CNTLN: variants seen among roughly 807,000 people sequenced by gnomAD.
CNTLN encodes the protein centlein, also known as centlein, centrosomal protein.
A neutral mutation model predicts 180.0 loss-of-function variants in CNTLN; 212 were observed. That is an observed-to-expected ratio of 1.18 (90% CI 1.05 to 1.32). The LOEUF (loss-of-function observed/expected upper bound fraction) is 1.32, where lower values mean the gene tolerates loss of function less well. Ranked by LOEUF, CNTLN falls within the 40% of genes most tolerant of loss-of-function variation. The probability of loss-of-function intolerance (pLI) is 0.00; values close to 1 mark genes in which losing one functional copy is unlikely to be tolerated. For synonymous variants in CNTLN, 722 were observed against 563.1 expected (o/e 1.28, Z -3.99); for missense variants, 2,095 against 1,610.9 (o/e 1.30, Z -5.14).
intron 7 of CNTLN, among the ~76,000 whole-genome samples, chr9:17,306,864 G>A (rs1359229675): frequency 6.6e-6 from 1 of 152,050 alleles, no homozygotes; most frequent in African/African-American, 2.4e-5. Context: ...AATATTCATT[G>A]AAAAAATGAC....
At chr9:17,444,478 T>C (rs1477823903) in intron 18 of CNTLN, among the ~76,000 whole-genome samples, 1 of 152,198 alleles carries the variant, frequency 6.6e-6, no homozygotes, top group Non-Finnish European at 1.5e-5. Flanking sequence ...TTGCAGTACT[T>C]ATGTATTCTT....
At chr9:17,514,380 A>C in the CNTLN span, among the ~76,000 whole-genome samples, 1 of 152,180 alleles carries the variant, frequency 6.6e-6, no homozygotes, top group Non-Finnish European at 1.5e-5. Flanking sequence ...ATATAGATAA[A>C]GATCTGCCAT....
intron 2 of CNTLN, among the ~76,000 whole-genome samples, chr9:17,185,930 C>A (rs1403771200): frequency 6.6e-6 from 1 of 151,940 alleles, no homozygotes; most frequent in East Asian, 1.9e-4. Context: ...GGAGCTGGGA[C>A]TATAGGCGCG....
Position 17,178,649 on chromosome 9 carries a change from G to C in CNTLN, c.449+35273G>C, listed in dbSNP as rs143221014. ...CCAGGTGCTAAGCCCCTCACTGCCC[G>C]GGGCCTGCCGGCTGGCCGGCCGCTC... On this transcript the variant is annotated intron_variant, in intron 2 of 25. Coordinates refer to ENST00000380647, the MANE Select transcript of CNTLN (RefSeq NM_017738.4). Among the ~76,000 whole-genome samples the C allele has an allele frequency of 1.3e-5, 2 of 151,450 alleles. 1 individual carries two copies. The highest frequency in any genetic ancestry group is 4.9e-5 in the African/African-American group (2 of 40,856).
At chr9:17,166,597 GA>G (rs1441556301) in intron 2 of CNTLN, among the ~76,000 whole-genome samples, 4 of 152,092 alleles carry the variant, frequency 2.6e-5, no homozygotes, top group Admixed American at 6.6e-5. Context: ...TCTTAGAGGG[GA>G]AAAAATACAG....
chr9:17,414,067 C>T (rs1384077627), intron 16 of CNTLN, among the ~76,000 whole-genome samples: 1 of 152,216 alleles, frequency 6.6e-6, no homozygotes, highest in African/African-American at 2.4e-5. Context: ...AATGTCCTAG[C>T]TTTCTGACCT....
intron 3 of CNTLN, among the ~76,000 whole-genome samples, chr9:17,227,807 AATGTT>A (rs1156330988): frequency 1.3e-5 from 2 of 152,082 alleles, no homozygotes; most frequent in African/African-American, 4.8e-5. Context: ...ATGATGATAA[AATGTT>A]AAGAATAACA....
In CNTLN at chr9:17,212,293, T is replaced by C. The variant is rs551154109; in HGVS notation, c.450-13910T>C. On this transcript the variant is annotated intron_variant, in intron 2 of 25. Coordinates refer to ENST00000380647, the MANE Select transcript of CNTLN (RefSeq NM_017738.4). ...TTGTTGAATTTTGTCAAAGGCCTTT[T>C]CTGCATCTCTTGAGATAATCATGTG... is the stretch of plus-strand genomic sequence containing the variant. Among the ~76,000 whole-genome samples the C allele has an allele frequency of 5.9e-4, 90 of 152,360 alleles. 1 individual carries two copies. The Middle Eastern group carries it at 0.024, about 40-fold the overall frequency.
At chr9:17,302,123 C>CACACAT (rs1554682901) in intron 7 of CNTLN, 3 of 912,532 alleles carry the variant, frequency 3.3e-6, no homozygotes, top group African/African-American at 3.6e-5. Context: ...CACACACAGA[C>CACACAT]ACACACACAC....
intron 8 of CNTLN, among the ~76,000 whole-genome samples, chr9:17,327,312 CG>C (rs66825305): frequency 0.88 from 130,813 of 148,498 alleles, 57,913 homozygotes; most frequent in Non-Finnish European, 0.92. Context: ...CCCAGGTTCA[CG>C]GCCATCCTCC....
chr9:17,349,073 A>G (rs1319041045), intron 12 of CNTLN, among the ~76,000 whole-genome samples: 1 of 152,152 alleles, frequency 6.6e-6, no homozygotes, highest in Non-Finnish European at 1.5e-5. Flanking sequence ...AGGAAAGAAG[A>G]AAACTCAAGG....
At chr9:17,499,171 G>A (rs1833612632) in intron 25 of CNTLN, among the ~76,000 whole-genome samples, 1 of 152,144 alleles carries the variant, frequency 6.6e-6, no homozygotes, top group South Asian at 2.1e-4. Context: ...TAAGTACAGT[G>A]TCAGTCCTAA....
At chr9:17,432,055 C>T (rs1017064134) in intron 18 of CNTLN, among the ~76,000 whole-genome samples, 1 of 152,070 alleles carries the variant, frequency 6.6e-6, no homozygotes, top group Non-Finnish European at 1.5e-5. Flanking sequence ...AAGTTATTTT[C>T]ATCCTTATGG....
rs532754407 is a variant in CNTLN at position 17,344,095 on chromosome 9, A to C, written c.1886+1651A>C. 2.8e-4 allele frequency among the ~76,000 whole-genome samples: 42 copies of C among 152,312 alleles called. 1 individual carries two copies. The highest frequency in any genetic ancestry group is 9.9e-4 in the African/African-American group (41 of 41,576). On this transcript the variant is annotated intron_variant, in intron 12 of 25. Transcript: ENST00000380647. Reference sequence around the variant, plus strand: ...ATAAAGTGAATTAGTTGAGAGACCTAATCTAACTATTCAAGAAAATTTAGG... The same window carrying C: ...ATAAAGTGAATTAGTTGAGAGACCTCATCTAACTATTCAAGAAAATTTAGG...
intron 5 of CNTLN, among the ~76,000 whole-genome samples, chr9:17,272,481 C>T (rs1402342177): frequency 6.6e-6 from 1 of 152,076 alleles, no homozygotes; most frequent in Non-Finnish European, 1.5e-5. Flanking sequence ...TATTTCTACC[C>T]TGGTGTTCGT....
At chr9:17,325,660 C>A (rs370758875) in intron 8 of CNTLN, among the ~76,000 whole-genome samples, 11 of 151,624 alleles carry the variant, frequency 7.3e-5, no homozygotes, top group African/African-American at 2.7e-4. Flanking sequence ...GTATCATGTG[C>A]TTTTAGAAAT....
intron 2 of CNTLN, among the ~76,000 whole-genome samples, chr9:17,160,000 A>G (rs1819566281): frequency 1.3e-5 from 2 of 152,190 alleles, no homozygotes; most frequent in African/African-American, 4.8e-5. Flanking sequence ...GTTATACTTC[A>G]ATAGATAAAT....
chr9:17,194,998 A>G (rs1200666392), intron 2 of CNTLN, among the ~76,000 whole-genome samples: 1 of 152,088 alleles, frequency 6.6e-6, no homozygotes, highest in Non-Finnish European at 1.5e-5. Flanking sequence ...TATGGGGGAA[A>G]CCGCCCCCAT....
chr9:17,222,355 A>G (rs1824192971), intron 2 of CNTLN, among the ~76,000 whole-genome samples: 2 of 151,966 alleles, frequency 1.3e-5, no homozygotes, highest in South Asian at 4.1e-4. Context: ...CTGCGTCTCC[A>G]CCCAAATCTC....
Sources: gnomAD v4.1 joint callset for allele counts (sites outside exome capture counted in the v4.1 genomes callset) on GRCh38, gnomAD v4.1.1 for gene constraint, MANE v1.5 for transcripts, NCBI Gene and HGNC (gene_info 2026-07-23, HGNC 2026-07-21) for gene names.